MND1: variants seen among roughly 807,000 people sequenced by gnomAD.
MND1 encodes the protein meiotic nuclear division protein 1 homolog.
A neutral mutation model predicts 35.1 loss-of-function variants in MND1; 28 were observed. The observed-to-expected ratio is 0.80, with a 90% CI of 0.59 to 1.09. MND1 has a LOEUF of 1.09. MND1 is among the 50% of genes least tolerant of loss of function. The probability of loss-of-function intolerance (pLI) is 0.00; values close to 1 mark genes in which losing one functional copy is unlikely to be tolerated. For synonymous variants in MND1, 69 were observed against 70.5 expected (o/e 0.98, Z 0.11); for missense variants, 213 against 239.6 (o/e 0.89, Z 0.73).
intron 4 of MND1, among the ~76,000 whole-genome samples, chr4:153,362,495 C>T (rs1364144375): frequency 1.3e-5 from 2 of 152,154 alleles, no homozygotes; most frequent in Non-Finnish European, 2.9e-5. Flanking sequence ...GAGGCCTCCC[C>T]AGAAGCAGAA....
At chr4:153,351,263 T>C (rs1451094023) in intron 2 of MND1, among the ~76,000 whole-genome samples, 1 of 152,210 alleles carries the variant, frequency 6.6e-6, no homozygotes, top group Non-Finnish European at 1.5e-5. Context: ...AAATTGGCTG[T>C]TTCTAACTGA....
intron 6 of MND1, among the ~76,000 whole-genome samples, chr4:153,400,383 T>A (rs952541695): frequency 6.6e-6 from 1 of 152,188 alleles, no homozygotes; most frequent in Non-Finnish European, 1.5e-5. Flanking sequence ...TTTTAAAAAA[T>A]TTATTAAAGA....
At chr4:153,406,415 G>A (rs760146894) in intron 6 of MND1, among the ~76,000 whole-genome samples, 45 of 152,016 alleles carry the variant, frequency 3.0e-4, no homozygotes, top group East Asian at 3.9e-4. Context: ...CCAGCTACTC[G>A]GGAGGCTGAG....
chr4:153,413,112 A>G (rs891942078), intron 7 of MND1, among the ~76,000 whole-genome samples: 1 of 152,060 alleles, frequency 6.6e-6, no homozygotes. Context: ...TTTTAACTTG[A>G]TCACCTCTTT....
intron 4 of MND1, among the ~76,000 whole-genome samples, chr4:153,389,357 A>G (rs1278982653): frequency 6.6e-6 from 1 of 151,816 alleles, no homozygotes; most frequent in African/African-American, 2.4e-5. Flanking sequence ...CTTTTTATTT[A>G]TTTATTTATT....
intron 6 of MND1, among the ~76,000 whole-genome samples, chr4:153,398,528 A>C (rs1036679327): frequency 6.6e-6 from 1 of 152,126 alleles, no homozygotes; most frequent in African/African-American, 2.4e-5. Flanking sequence ...GCTTTGCGCA[A>C]CTCCAGGAGG....
intron 4 of MND1, chr4:153,361,680 AC>A (rs1301582114): frequency 2.6e-6 from 1 of 383,136 alleles, no homozygotes; most frequent in South Asian, 1.9e-5. Flanking sequence ...CACTAAAAAT[AC>A]AAAAAAAATA....
intron 4 of MND1, chr4:153,361,492 CTCT>C: frequency 6.6e-6 from 3 of 455,658 alleles, no homozygotes; most frequent in South Asian, 4.6e-5. Flanking sequence ...TTTTTATTTC[CTCT>C]TCTTTAGGAC....
At chr4:153,354,738 C>G (rs1334492167) in intron 2 of MND1, among the ~76,000 whole-genome samples, 2 of 152,154 alleles carry the variant, frequency 1.3e-5, no homozygotes, top group African/African-American at 4.8e-5. Flanking sequence ...GTCTCCAGCT[C>G]TTGAGCTCAA....
chr4:153,355,747 A>G lies in MND1; in HGVS notation c.127+36A>G, dbSNP rs556591957. 4 of 1,239,188 alleles carry G rather than the reference A, an allele frequency of 3.2e-6. 1 individual carries two copies. The African/African-American group carries it at 6.0e-5, about 19-fold the overall frequency. The allele number at this position is 1,239,188 out of a possible 1,614,324, so 76.8% of individuals were successfully genotyped here. A position where few individuals can be genotyped will look rare whatever the true frequency, so the allele number is the denominator to read the frequency against. ...AAGTTATACTGGAATGTTTTGGGAA[A>G]TATACTGGGATGTTTTGGGAAATAT... On this transcript the variant is annotated intron_variant, in intron 3 of 7. Transcript: ENST00000240488.
At chr4:153,392,782 T>C (rs921178211) in intron 4 of MND1, among the ~76,000 whole-genome samples, 1 of 152,234 alleles carries the variant, frequency 6.6e-6, no homozygotes, top group African/African-American at 2.4e-5. Flanking sequence ...ATAACTTACC[T>C]ACTTTCTAAG....
chr4:153,359,762 C>T (rs1223144906), intron 4 of MND1, among the ~76,000 whole-genome samples: 4 of 139,110 alleles, frequency 2.9e-5, no homozygotes, highest in Non-Finnish European at 4.7e-5. Flanking sequence ...TCTCTAATGA[C>T]ATATGATTTG....
intron 6 of MND1, among the ~76,000 whole-genome samples, chr4:153,406,849 G>A (rs1488999961): frequency 6.6e-6 from 1 of 152,154 alleles, no homozygotes; most frequent in Non-Finnish European, 1.5e-5. Flanking sequence ...AAAAGAAAGA[G>A]GTTTATTGGA....
intron 4 of MND1, among the ~76,000 whole-genome samples, chr4:153,364,886 C>T (rs1434750166): frequency 1.3e-5 from 2 of 151,932 alleles, no homozygotes; most frequent in East Asian, 3.9e-4. Flanking sequence ...GAAATTCTGA[C>T]GAATGCTACA....
intron 4 of MND1, among the ~76,000 whole-genome samples, chr4:153,376,509 C>T (rs1036540723): frequency 6.6e-5 from 10 of 152,128 alleles, no homozygotes; most frequent in African/African-American, 2.2e-4. Context: ...TTTACTTTGG[C>T]TTGTGTTAGT....
intron 7 of MND1, among the ~76,000 whole-genome samples, chr4:153,413,062 T>C (rs9968499): frequency 0.069 from 10,552 of 152,152 alleles, 631 homozygotes; most frequent in African/African-American, 0.16. Context: ...CTTATAAAGA[T>C]ACCAATCCTA....
rs181496714 is a variant in MND1, at chr4:153,354,226, C to T, written c.70-1428C>T. ...TTTTGCTTTGCATGTGGTAGACATGCAACATGTATATGTGAATGATTGATA... is the reference window on the plus strand; with the variant it reads ...TTTTGCTTTGCATGTGGTAGACATGTAACATGTATATGTGAATGATTGATA... On this transcript the variant is annotated intron_variant, in intron 2 of 7. Transcript: ENST00000240488. Among the ~76,000 whole-genome samples, 48 of 152,134 alleles carry T rather than the reference C, an allele frequency of 3.2e-4. No homozygotes were observed. The East Asian group carries it at 8.5e-3, about 27-fold the overall frequency.
intron 4 of MND1, among the ~76,000 whole-genome samples, chr4:153,378,393 T>C (rs1243917378): frequency 6.6e-6 from 1 of 152,208 alleles, no homozygotes; most frequent in East Asian, 1.9e-4. Flanking sequence ...AGCTCAGCAT[T>C]ACCCAAAGTA....
At chr4:153,411,802 A>G (rs1053221791) in intron 7 of MND1, among the ~76,000 whole-genome samples, 1 of 152,230 alleles carries the variant, frequency 6.6e-6, no homozygotes, top group Non-Finnish European at 1.5e-5. Flanking sequence ...AGCTATACAC[A>G]TAAGACTTGG....
Sources: allele counts gnomAD v4.1 joint callset (sites outside exome capture counted in the v4.1 genomes callset), GRCh38; gene constraint gnomAD v4.1.1; transcripts MANE v1.5; gene names NCBI Gene and HGNC (gene_info 2026-07-23, HGNC 2026-07-21).